Variants in BCAS3 observed in about 807,000 individuals in gnomAD.
BCAS3 encodes BCAS3 microtubule associated cell migration factor.
A neutral mutation model predicts 116.1 loss-of-function variants in BCAS3; 53 were observed. The ratio of observed to expected loss-of-function variants is 0.46; its 90% confidence interval spans 0.37 to 0.57. The LOEUF (loss-of-function observed/expected upper bound fraction) is 0.57. Among genes scored for constraint, BCAS3 ranks in the 20% least tolerant of loss-of-function variants. The probability of loss-of-function intolerance (pLI) is 0.00; values close to 1 mark genes in which losing one functional copy is unlikely to be tolerated. For missense variants in BCAS3, 917 were observed against 1,165.4 expected, an observed-to-expected ratio of 0.79 and a Z score of 3.10; for synonymous variants, 391 against 408.2, an observed-to-expected ratio of 0.96 and a Z score of 0.51.
At chr17:60,971,384 T>C (rs939245288) in intron 14 of BCAS3, among the ~76,000 whole-genome samples, 7 of 152,158 alleles carry the variant, frequency 4.6e-5, no homozygotes, top group Non-Finnish European at 1.0e-4. Context: ...TATACTCAGT[T>C]CTCCTGCTGT....
At position 61,065,463 on chromosome 17, in the gene BCAS3, C is replaced by T. The variant is rs921624850; in HGVS notation, c.2030-9457C>T. On this transcript the variant is annotated intron_variant, in intron 19 of 23. Transcript: ENST00000407086. The surrounding 1 kb of genome is among the most constrained non-coding windows in gnomAD (Gnocchi z 4.8). The stretch of plus-strand genomic sequence containing the variant: ...GCACCAAAAATATATTGAGGTTTGT[C>T]CTTGGGAGAGAGTTTATCACTGTTG... 1.3e-5 allele frequency among the ~76,000 whole-genome samples: 2 copies of T among 152,112 alleles called. No homozygotes were observed. The highest frequency in any genetic ancestry group is 4.8e-5 in the African/African-American group (2 of 41,424).
chr17:60,682,659 A>C (rs142209653), intron 2 of BCAS3, among the ~76,000 whole-genome samples: 2 of 152,132 alleles, frequency 1.3e-5, no homozygotes, highest in Non-Finnish European at 2.9e-5. Context: ...AGCAGCTGAA[A>C]TTACAGGGTG....
intron 7 of BCAS3, among the ~76,000 whole-genome samples, chr17:60,852,972 G>C (rs115225150): frequency 6.6e-6 from 1 of 152,090 alleles, no homozygotes; most frequent in Non-Finnish European, 1.5e-5. Context: ...TGAAACTTAC[G>C]TCCTCCCAAA....
intron 22 of BCAS3, among the ~76,000 whole-genome samples, chr17:61,159,654 C>T (rs1343358112): frequency 2.0e-5 from 3 of 152,198 alleles, no homozygotes; most frequent in African/African-American, 7.2e-5. Context: ...TTGCCTTCAT[C>T]TTTTCAGAGG....
chr17:61,372,326 T>C (rs2059090591), intron 23 of BCAS3, among the ~76,000 whole-genome samples: 1 of 152,220 alleles, frequency 6.6e-6, no homozygotes, highest in African/African-American at 2.4e-5. Context: ...AGTCCTTTTC[T>C]TCTGTCGTCC....
At chr17:61,280,860 G>A (rs1468110006) in intron 22 of BCAS3, among the ~76,000 whole-genome samples, 2 of 152,142 alleles carry the variant, frequency 1.3e-5, no homozygotes, top group African/African-American at 4.8e-5. Context: ...GGAATGTCTC[G>A]ACCCTTAACA....
intron 14 of BCAS3, among the ~76,000 whole-genome samples, chr17:60,977,103 G>C (rs56855212): frequency 6.6e-6 from 1 of 151,826 alleles, no homozygotes; most frequent in African/African-American, 2.4e-5. Flanking sequence ...CTGGCCGGGC[G>C]GGGGCTGCCC....
chr17:61,079,618 C>T (rs8071062), intron 21 of BCAS3, among the ~76,000 whole-genome samples: 15,248 of 151,822 alleles, frequency 0.1, 2,310 homozygotes, highest in African/African-American at 0.33. Flanking sequence ...TTTTTTGAGA[C>T]GGAGTCTTGC....
chr17:61,073,316 C>T lies in BCAS3; in HGVS notation c.2030-1604C>T, dbSNP rs1457786739. ...TTACTGCAGATCTTACACTTTAATA[C>T]TGTGTATGCCTCTGCTGAGTAATTC... On this transcript the variant is annotated intron_variant, in intron 19 of 23. Transcript: ENST00000407086. The surrounding 1 kb of genome is among the most constrained non-coding windows in gnomAD (Gnocchi z 4.6). 2.6e-5 allele frequency among the ~76,000 whole-genome samples: 4 copies of T among 152,192 alleles called. No individual in the cohort carries two copies. The highest frequency in any genetic ancestry group is 4.4e-5 in the Non-Finnish European group (3 of 68,028).
chr17:60,823,835 G>A (rs2050160691), intron 7 of BCAS3, among the ~76,000 whole-genome samples: 2 of 152,070 alleles, frequency 1.3e-5, no homozygotes, highest in African/African-American at 4.8e-5. Context: ...TTCACACAGA[G>A]ATTTTTCTTT....
At position 61,196,920 on chromosome 17, in the gene BCAS3, A is replaced by G. The variant is rs1435159372; in HGVS notation, c.2425+112356A>G. On this transcript the variant is annotated intron_variant, in intron 22 of 23. Coordinates refer to ENST00000407086, the MANE Select transcript of BCAS3 (RefSeq NM_017679.5). The surrounding 1 kb of genome is among the most constrained non-coding windows in gnomAD (Gnocchi z 4.7). Reference sequence around the variant, plus strand: ...TATGTCCTGTTTACATCTCCCAAACACTTATGTAGAACATTCAATGCTAGA... The same window carrying G: ...TATGTCCTGTTTACATCTCCCAAACGCTTATGTAGAACATTCAATGCTAGA... 6.6e-6 allele frequency among the ~76,000 whole-genome samples: 1 copy of G among 152,218 alleles called. No individual in the cohort carries two copies. Among genetic ancestry groups the G allele is most frequent in the African/African-American group, 2.4e-5 (1 of 41,448 alleles).
At chr17:61,206,849 T>C (rs2081171449) in intron 22 of BCAS3, among the ~76,000 whole-genome samples, 1 of 148,676 alleles carries the variant, frequency 6.7e-6, no homozygotes, top group Non-Finnish European at 1.5e-5. Context: ...GGGAATCCCC[T>C]ATGAATGTAC....
At chr17:61,155,383 G>A (rs2077773201) in intron 22 of BCAS3, among the ~76,000 whole-genome samples, 1 of 151,430 alleles carries the variant, frequency 6.6e-6, no homozygotes. Flanking sequence ...TTTATTTTTT[G>A]TGATTTATTG....
chr17:61,109,534 A>G (rs1291166320), intron 22 of BCAS3, among the ~76,000 whole-genome samples: 2 of 152,186 alleles, frequency 1.3e-5, no homozygotes, highest in African/African-American at 4.8e-5. Context: ...ACTGTTTTCC[A>G]TACTGGTTGT....
At position 60,995,389 on chromosome 17, in the gene BCAS3, C is replaced by T. The variant is rs1028688365; in HGVS notation, c.1486+5154C>T. Among the ~76,000 whole-genome samples, 12 of 151,702 alleles carry T rather than the reference C, an allele frequency of 7.9e-5. No individual in the cohort carries two copies. Among genetic ancestry groups the T allele is most frequent in the Non-Finnish European group, 2.9e-5 (2 of 67,918 alleles). Reference sequence around the variant, plus strand: ...GCTGGTCTTGAACTCCTGACCTCACCGTGAGTGAGTGATCTGCCCACCGTG... The same window carrying T: ...GCTGGTCTTGAACTCCTGACCTCACTGTGAGTGAGTGATCTGCCCACCGTG... On this transcript the variant is annotated intron_variant, in intron 15 of 23. Coordinates refer to ENST00000407086, the MANE Select transcript of BCAS3 (RefSeq NM_017679.5). The surrounding 1 kb of genome is among the most constrained non-coding windows in gnomAD (Gnocchi z 4.7).
Position 61,366,397 on chromosome 17 carries a change from G to C in BCAS3, c.2426-1930G>C, listed in dbSNP as rs2058734729. ...GATGGAAAAGGAGCTAGAAGGACTG[G>C]CTGTGCATCATGCAGTGAGTCGGCA... On this transcript the variant is annotated intron_variant, in intron 22 of 23. Transcript: ENST00000407086. The surrounding 1 kb of genome is among the most constrained non-coding windows in gnomAD (Gnocchi z 4.5). Among the ~76,000 whole-genome samples, 1 of 152,224 alleles carries C rather than the reference G, an allele frequency of 6.6e-6. No homozygotes were observed. The highest frequency in any genetic ancestry group is 2.4e-5 in the African/African-American group (1 of 41,448).
Position 60,767,150 on chromosome 17 carries a change from C to T in BCAS3, c.403+19871C>T, listed in dbSNP as rs552763199. On this transcript the variant is annotated intron_variant, in intron 6 of 23. Transcript: ENST00000407086. ...AAAATCCCCCGACCCTTTGCGCTTC[C>T]GGGGTGAGGCAATGCCCCACCCTGC... Among the ~76,000 whole-genome samples, 98 of 152,264 alleles carry T rather than the reference C, an allele frequency of 6.4e-4. 1 individual carries two copies. The South Asian group carries it at 7.1e-3, about 11-fold the overall frequency.
intron 22 of BCAS3, among the ~76,000 whole-genome samples, chr17:61,178,272 A>G (rs1045196481): frequency 6.6e-6 from 1 of 152,146 alleles, no homozygotes; most frequent in African/African-American, 2.4e-5. Context: ...AAAGAAGACT[A>G]TCAGTGAAAA....
At chr17:60,791,163 G>A (rs866264387) in intron 6 of BCAS3, among the ~76,000 whole-genome samples, 2 of 152,062 alleles carry the variant, frequency 1.3e-5, no homozygotes, top group African/African-American at 2.4e-5. Context: ...TCAAACCTCC[G>A]GTGTAGATAC....
Sources: allele counts gnomAD v4.1 joint callset (sites outside exome capture counted in the v4.1 genomes callset), GRCh38; gene constraint gnomAD v4.1.1; non-coding constraint Gnocchi (gnomAD v3.1); transcripts MANE v1.5; gene names NCBI Gene and HGNC (gene_info 2026-07-23, HGNC 2026-07-21).